The following ZNF626 variants were observed in gnomAD, a reference collection of about 807,000 sequenced individuals.
The protein encoded by ZNF626 is zinc finger protein 626, also known as CTC-513N18.7.
In ZNF626, 4 loss-of-function variants were observed where a neutral mutation model predicts 11.7. That is an observed-to-expected ratio of 0.34 (90% confidence interval 0.17 to 0.78). ZNF626 has a LOEUF of 0.78. ZNF626 is among the 30% of genes least tolerant of loss of function. The probability of loss-of-function intolerance (pLI) is 0.57; values close to 1 mark genes in which losing one functional copy is unlikely to be tolerated. For synonymous variants in ZNF626, 179 were observed against 198.6 expected (o/e 0.90, Z 0.83); for missense variants, 588 against 587.1 (o/e 1.00, Z -0.01).
intron 3 of ZNF626, among the ~76,000 whole-genome samples, chr19:20,642,935 C>T (rs1279250921): frequency 6.6e-6 from 1 of 150,508 alleles, no homozygotes; most frequent in Admixed American, 6.6e-5. Context: ...TGCTTGAACC[C>T]GGAAGGTGAA....
At chr19:20,627,397 T>C (rs1415558994) in intron 3 of ZNF626, among the ~76,000 whole-genome samples, 1 of 151,960 alleles carries the variant, frequency 6.6e-6, no homozygotes, top group Non-Finnish European at 1.5e-5. Context: ...CTTTTAGAGG[T>C]TTTATGTAAT....
intron 1 of ZNF626, among the ~76,000 whole-genome samples, chr19:20,653,164 C>T (rs868925222): frequency 6.6e-5 from 10 of 152,082 alleles, no homozygotes; most frequent in South Asian, 6.2e-4. Context: ...AATGTCCCCT[C>T]GAGTAAATTC....
intron 3 of ZNF626, among the ~76,000 whole-genome samples, chr19:20,641,135 C>CAAAAAAA (rs141617081): frequency 8.9e-6 from 1 of 111,878 alleles, no homozygotes; most frequent in Non-Finnish European, 2.0e-5. Context: ...GACTCCATCT[C>CAAAAAAA]AAAAAAAAAA....
At position 20,625,665 on chromosome 19, in the gene ZNF626, A is replaced by G. The variant is rs782533635; in HGVS notation, c.227-15T>C. 2.0e-6 allele frequency: 3 copies of G among 1,518,464 alleles called. No individual in the cohort carries two copies. Among genetic ancestry groups the G allele is most frequent in the Middle Eastern group, 1.8e-4 (1 of 5,650 alleles). 94.1% of individuals were successfully genotyped at this position (1,518,464 alleles called of 1,614,324 possible). A position where few individuals can be genotyped will look rare whatever the true frequency, so the allele number is the denominator to read the frequency against. On this transcript the variant is annotated splice_polypyrimidine_tract_variant and intron_variant, in intron 3 of 3. Transcript: ENST00000601440. ...AGAACACATTACTGAAAGAAACAATAAAAACACATTACTTCAATTGGTAGA... is the reference window on the plus strand; with the variant it reads ...AGAACACATTACTGAAAGAAACAATGAAAACACATTACTTCAATTGGTAGA...
Position 20,624,805 on chromosome 19 carries a change from T to C in ZNF626, c.1072A>G (p.Thr358Ala). Residue 358 changes from threonine to alanine, a missense_variant, in exon 4 of 4, where the codon ACA (threonine) becomes GCA (alanine). Thr to Ala is a moderately conservative substitution (Grantham distance 58, BLOSUM62 0). Around this residue, in one of 4 missense-constraint regions of ZNF626, gnomAD observed 524 missense variants for 470.1 expected, o/e 1.11. Transcript: ENST00000601440. ...TCTCCAGTATGAATTCTCTTATGTG[T>C]AGTAAGGGTAGAGGAGTACTTAAAG... Reference protein sequence around the residue: ...KAFKYSSTLTTHKRIHTGEKP... With the variant: ...KAFKYSSTLTAHKRIHTGEKP... 6.2e-7 allele frequency: 1 copy of C among 1,613,738 alleles called. No individual in the cohort carries two copies. The highest frequency in any genetic ancestry group is 8.5e-7 in the Non-Finnish European group (1 of 1,179,964).
At chr19:20,626,072 C>T (rs1555769654) in intron 3 of ZNF626, among the ~76,000 whole-genome samples, 1 of 150,532 alleles carries the variant, frequency 6.6e-6, no homozygotes, top group Admixed American at 6.7e-5. Flanking sequence ...ACCATCTTGG[C>T]AAAGATGATG....
At chr19:20,628,096 A>G (rs1228017571) in intron 3 of ZNF626, among the ~76,000 whole-genome samples, 1 of 152,114 alleles carries the variant, frequency 6.6e-6, no homozygotes, top group Non-Finnish European at 1.5e-5. Flanking sequence ...ATGTCCCTAC[A>G]AAGGACATGA....
intron 3 of ZNF626, among the ~76,000 whole-genome samples, chr19:20,640,059 A>G (rs1408179657): frequency 6.6e-6 from 1 of 152,138 alleles, no homozygotes; most frequent in East Asian, 1.9e-4. Context: ...CAAAGTTGCC[A>G]TGAGTAAAAA....
Position 20,637,189 on chromosome 19 carries a change from T to A in ZNF626, c.226+8495A>T, listed in dbSNP as rs570808676. On this transcript the variant is annotated intron_variant, in intron 3 of 3. Coordinates refer to ENST00000601440, the MANE Select transcript of ZNF626 (RefSeq NM_001076675.3). ...CTTTTATAGAATATAAAAAACAATA[T>A]GTAAATGTGCATAAATCGGCTGGGC... Among the ~76,000 whole-genome samples the A allele has an allele frequency of 1.1e-4, 17 of 152,184 alleles. No homozygotes were observed. The South Asian group carries it at 3.5e-3, about 32-fold the overall frequency.
chr19:20,628,705 G>A (rs1969868438), intron 3 of ZNF626, among the ~76,000 whole-genome samples: 1 of 152,174 alleles, frequency 6.6e-6, no homozygotes, highest in Admixed American at 6.5e-5. Context: ...TGAGCAGGTT[G>A]CAAAAATTTT....
intron 3 of ZNF626, chr19:20,645,204 G>A (rs1326621178): frequency 2.5e-6 from 3 of 1,201,860 alleles, no homozygotes; most frequent in South Asian, 3.3e-5. Context: ...TATATTTCAA[G>A]CCTAGATAGT....
intron 3 of ZNF626, among the ~76,000 whole-genome samples, chr19:20,629,678 G>A (rs572017693): frequency 1.6e-4 from 24 of 152,248 alleles, no homozygotes; most frequent in Admixed American, 6.5e-4. Flanking sequence ...GAGATTTTGG[G>A]CTGAGACAAT....
At chr19:20,629,089 T>G (rs1368682309) in intron 3 of ZNF626, among the ~76,000 whole-genome samples, 1 of 152,194 alleles carries the variant, frequency 6.6e-6, no homozygotes, top group Non-Finnish European at 1.5e-5. Context: ...GGTCAGATAG[T>G]TGTAGGTAAG....
chr19:20,647,484 GTTTTTTT>G (rs71174723), intron 1 of ZNF626, among the ~76,000 whole-genome samples: 6 of 122,812 alleles, frequency 4.9e-5, no homozygotes, highest in African/African-American at 1.2e-4. Context: ...TAGGACAATG[GTTTTTTT>G]TTTTTTTTTT....
intron 3 of ZNF626, among the ~76,000 whole-genome samples, chr19:20,641,875 A>T (rs868991607): frequency 3.2e-4 from 48 of 152,128 alleles, no homozygotes; most frequent in Middle Eastern, 3.4e-3. Context: ...ATACACTTCA[A>T]TAAATTTAAG....
intron 1 of ZNF626, among the ~76,000 whole-genome samples, chr19:20,649,209 T>C (rs1162320472): frequency 6.6e-6 from 1 of 152,146 alleles, no homozygotes; most frequent in Non-Finnish European, 1.5e-5. Flanking sequence ...TTTAAAGGTG[T>C]CAGTACCACA....
chr19:20,654,737 T>C (rs1466428897), intron 1 of ZNF626, among the ~76,000 whole-genome samples: 4 of 152,076 alleles, frequency 2.6e-5, no homozygotes, highest in Admixed American at 6.6e-5. Context: ...AAACATTTTA[T>C]ATTTCAAAAG....
chr19:20,646,223 C>T (rs1970075403), intron 2 of ZNF626, 56 bp downstream of exon 2: 1 of 1,483,174 alleles, frequency 6.7e-7, no homozygotes, highest in Non-Finnish European at 9.0e-7. Flanking sequence ...AAACATTCTA[C>T]AAAAAATAAA....
intron 3 of ZNF626, among the ~76,000 whole-genome samples, chr19:20,642,966 G>A (rs939082530): frequency 6.3e-4 from 94 of 149,050 alleles, no homozygotes; most frequent in African/African-American, 2.2e-3. Flanking sequence ...AGCCAAGATC[G>A]CACCACTGCA....
Sources: allele counts gnomAD v4.1 joint callset (sites outside exome capture counted in the v4.1 genomes callset), GRCh38; gene constraint gnomAD v4.1.1; regional missense constraint gnomAD v4.1.1; transcripts MANE v1.5; gene names NCBI Gene and HGNC (gene_info 2026-07-23, HGNC 2026-07-21).